The following KDM4A variants were observed in gnomAD, a reference collection of about 807,000 sequenced individuals.
KDM4A encodes the protein lysine-specific demethylase 4A.
A neutral mutation model predicts 127.1 loss-of-function variants in KDM4A; 23 were observed. The ratio of observed to expected loss-of-function variants is 0.18; its 90% CI spans 0.13 to 0.26. The LOEUF (loss-of-function observed/expected upper bound fraction) is 0.26, where lower values mean the gene tolerates loss of function less well. KDM4A is among the 10% of genes least tolerant of loss of function. The probability of loss-of-function intolerance (pLI) is 1.00; values close to 1 mark genes in which losing one functional copy is unlikely to be tolerated. For synonymous variants in KDM4A, 443 were observed against 466.5 expected, an observed-to-expected ratio of 0.95 and a Z score of 0.65; for missense variants, 890 against 1,329.1, an observed-to-expected ratio of 0.67 and a Z score of 5.14.
At position 43,691,012 on chromosome 1, in the gene KDM4A, C is replaced by T. The variant is rs35964309; in HGVS notation, c.2205C>T (p.Leu735=). ...TTGAGGAGGATGGCACCAGCATACT[C>T]GTTTCCTGCAAGAAGTGCAGCGTCC... The part of the protein sequence containing the change: ...PYLEEDGTSI[L]VSCKKCSVRV... The change falls in exon 14 of 22, where the codon CTC becomes CTT. Residue 735 remains leucine, a synonymous_variant. Transcript: ENST00000372396. 9.0e-4 allele frequency: 1,452 copies of T among 1,614,212 alleles called. 4 individuals carry two copies. The highest frequency in any genetic ancestry group is 7.6e-3 in the Middle Eastern group (46 of 6,058).
intron 12 of KDM4A, among the ~76,000 whole-genome samples, chr1:43,684,123 A>T (rs530648184): frequency 8.5e-5 from 13 of 152,304 alleles, no homozygotes; most frequent in Admixed American, 2.6e-4. Flanking sequence ...TGTGGTGTAT[A>T]TGTGGCTGCA....
intron 2 of KDM4A, 22 bp downstream of exon 2, chr1:43,653,335 A>C: frequency 1.2e-6 from 2 of 1,600,538 alleles, no homozygotes; most frequent in Non-Finnish European, 1.7e-6. Context: ...GGATTGTTCA[A>C]ATGGTTTTGT....
At chr1:43,679,902 C>T (rs979867064) in intron 11 of KDM4A, among the ~76,000 whole-genome samples, 7 of 152,150 alleles carry the variant, frequency 4.6e-5, no homozygotes, top group African/African-American at 1.7e-4. Context: ...TCAGGCAGGG[C>T]CCTGGGAGTC....
intron 3 of KDM4A, among the ~76,000 whole-genome samples, chr1:43,659,467 TG>T (rs571398218): frequency 3.9e-5 from 6 of 152,168 alleles, no homozygotes; most frequent in African/African-American, 1.2e-4. Flanking sequence ...TACAGGCGTG[TG>T]CCACCACGCC....
chr1:43,694,636 T>C lies in KDM4A; in HGVS notation c.2485-73T>C. ...GGCTCTTGCTTGCTTGGCTTTGCAT[T>C]TGGGAGGGGAACAACAGAGGAAGCT... is the stretch of plus-strand genomic sequence containing the variant. On this transcript the variant is annotated intron_variant, in intron 17 of 21. Transcript: ENST00000372396. The surrounding 1 kb of genome is among the most constrained non-coding windows in gnomAD (Gnocchi z 5.2). 1 of 1,361,918 alleles carries C rather than the reference T, an allele frequency of 7.3e-7. No individual in the cohort carries two copies. Among genetic ancestry groups the C allele is most frequent in the Non-Finnish European group, 1.0e-6 (1 of 977,754 alleles). The allele number at this position is 1,361,918 out of a possible 1,614,324, so 84.4% of individuals were successfully genotyped here.
rs536567462 is a variant in KDM4A, at chr1:43,652,011, A to G, written c.-39-1126A>G. On this transcript the variant is annotated intron_variant, in intron 1 of 21. Transcript: ENST00000372396. ...TTTAGGGTTTTAAAATTATGTTACT[A>G]ATATCAAAGGGCTTTTAAATCATGT... Among the ~76,000 whole-genome samples, 206 of 152,336 alleles carry G rather than the reference A, an allele frequency of 1.4e-3. 1 individual carries two copies. The highest frequency in any genetic ancestry group is 4.7e-3 in the African/African-American group (195 of 41,578).
At chr1:43,702,654 AC>A (rs1661429636) in intron 19 of KDM4A, 1 of 152,174 alleles carries the variant, frequency 6.6e-6, no homozygotes, top group Non-Finnish European at 1.5e-5. Context: ...TGGGGTACTT[AC>A]CTGCTTCTGG....
At chr1:43,698,363 T>C (rs1401614426) in intron 19 of KDM4A, among the ~76,000 whole-genome samples, 1 of 152,198 alleles carries the variant, frequency 6.6e-6, no homozygotes. Flanking sequence ...CTAGTAGCTG[T>C]GTGATTTTAG....
chr1:43,672,241 T>G (rs1011705199), intron 11 of KDM4A, among the ~76,000 whole-genome samples: 12 of 151,816 alleles, frequency 7.9e-5, no homozygotes, highest in Non-Finnish European at 1.5e-4. Flanking sequence ...CTAGCTAGAG[T>G]GCAGTGGCAT....
chr1:43,657,680 C>T (rs1660276392), intron 3 of KDM4A, among the ~76,000 whole-genome samples: 1 of 152,048 alleles, frequency 6.6e-6, no homozygotes, highest in South Asian at 2.1e-4. Flanking sequence ...TTCTGTTTCT[C>T]ACATGGAATT....
At chr1:43,685,022 A>G (rs1231414069) in intron 12 of KDM4A, among the ~76,000 whole-genome samples, 5 of 152,026 alleles carry the variant, frequency 3.3e-5, no homozygotes, top group African/African-American at 1.2e-4. Flanking sequence ...TTCAGTGTCT[A>G]TGGAGGATGT....
At chr1:43,657,530 T>C (rs142720426) in intron 3 of KDM4A, among the ~76,000 whole-genome samples, 2 of 152,090 alleles carry the variant, frequency 1.3e-5, no homozygotes, top group Admixed American at 1.3e-4. Context: ...TCTACCTTGC[T>C]GGCCAACCTG....
intron 12 of KDM4A, among the ~76,000 whole-genome samples, chr1:43,687,044 G>A (rs11805774): frequency 0.23 from 34,689 of 152,122 alleles, 4,622 homozygotes; most frequent in Non-Finnish European, 0.3. Context: ...GAGCCTGCCT[G>A]TCTGTTTCTG....
Position 43,688,521 on chromosome 1 carries a change from A to G in KDM4A, c.1856-393A>G, listed in dbSNP as rs1661039679. 6.6e-6 allele frequency among the ~76,000 whole-genome samples: 1 copy of G among 152,192 alleles called. No homozygotes were observed. Among genetic ancestry groups the G allele is most frequent in the Non-Finnish European group, 1.5e-5 (1 of 68,024 alleles). On this transcript the variant is annotated intron_variant, in intron 12 of 21. Coordinates refer to ENST00000372396, the MANE Select transcript of KDM4A (RefSeq NM_014663.3). The surrounding 1 kb of genome is among the most constrained non-coding windows in gnomAD (Gnocchi z 4.4). ...AAGGGAAAACTCTAAAAGGTAAAGG[A>G]CTTAACAGGCTGACGTTTTGGAGGC...
chr1:43,659,076 C>G (rs1455337114), intron 3 of KDM4A, among the ~76,000 whole-genome samples: 1 of 151,566 alleles, frequency 6.6e-6, no homozygotes, highest in Non-Finnish European at 1.5e-5. Context: ...GTTGGAGGAT[C>G]ACTGGAGGCC....
Position 43,667,983 on chromosome 1 carries a change from G to C in KDM4A, c.1127G>C (p.Gly376Ala), listed in dbSNP as rs1296458570. 6.2e-7 allele frequency: 1 copy of C among 1,614,034 alleles called. No individual in the cohort carries two copies. Among genetic ancestry groups the C allele is most frequent in the African/African-American group, 1.3e-5 (1 of 74,934 alleles). The change falls in exon 9 of 22, where the codon GGG becomes GCG. Residue 376 changes from glycine (G) to alanine (A), a missense_variant. Coordinates refer to ENST00000372396, the MANE Select transcript of KDM4A (RefSeq NM_014663.3). Reference sequence around the variant, plus strand: ...GAGTGCCCAGAGGAGGACATGGAAGGGGTGGAGGATGGAGAGGAAGGAGAC... The same window carrying C: ...GAGTGCCCAGAGGAGGACATGGAAGCGGTGGAGGATGGAGAGGAAGGAGAC... ...EEECPEEDMEGVEDGEEGDLK... is the reference protein window; with the variant it reads ...EEECPEEDMEAVEDGEEGDLK...
At chr1:43,664,752 C>G (rs2154046959) in intron 5 of KDM4A, among the ~76,000 whole-genome samples, 1 of 152,240 alleles carries the variant, frequency 6.6e-6, no homozygotes, top group East Asian at 1.9e-4. Flanking sequence ...TGTGTCTTCA[C>G]CATTGTTTAC....
intron 3 of KDM4A, among the ~76,000 whole-genome samples, chr1:43,656,168 C>T (rs1660232031): frequency 2.0e-5 from 3 of 152,118 alleles, no homozygotes; most frequent in Admixed American, 1.3e-4. Flanking sequence ...TCTCACTGCC[C>T]ATCCAGCCTG....
intron 11 of KDM4A, 134 bp from the exon 12 acceptor site, chr1:43,683,550 T>C (rs1486691822): frequency 2.0e-6 from 2 of 1,012,584 alleles, no homozygotes; most frequent in Non-Finnish European, 2.9e-6. Context: ...CTAAGATAGG[T>C]ATTTTCTGTT....
Sources: gnomAD v4.1 joint callset for allele counts (sites outside exome capture counted in the v4.1 genomes callset) on GRCh38, gnomAD v4.1.1 for gene constraint, Gnocchi (gnomAD v3.1) non-coding constraint, MANE v1.5 for transcripts, NCBI Gene and HGNC (gene_info 2026-07-23, HGNC 2026-07-21) for gene names.